PRDM16: variants seen among roughly 807,000 people sequenced by gnomAD.
PRDM16 encodes the protein histone-lysine N-methyltransferase PRDM16.
PRDM16 carries 23 observed loss-of-function variants against 110.6 expected under a neutral mutation model. The ratio of observed to expected loss-of-function variants is 0.21; its 90% CI spans 0.15 to 0.29. The LOEUF is 0.29. Ranked by LOEUF, PRDM16 falls within the 10% of genes least tolerant of loss-of-function variation. The pLI, the probability that PRDM16 is intolerant of heterozygous loss-of-function variation, is 1.00. For missense variants in PRDM16, 1,615 were observed against 1,794.3 expected (o/e 0.90, Z 1.81); for synonymous variants, 799 against 781.8 (o/e 1.02, Z -0.37).
chr1:3,184,382 C>A (rs1031837940), intron 1 of PRDM16, among the ~76,000 whole-genome samples: 6 of 151,418 alleles, frequency 4.0e-5, no homozygotes, highest in African/African-American at 1.5e-4. Context: ...CCGCAGCCAA[C>A]GACAGGGTGC....
chr1:3,346,503 G>T (rs190547963), intron 3 of PRDM16, among the ~76,000 whole-genome samples: 1 of 152,126 alleles, frequency 6.6e-6, no homozygotes, highest in African/African-American at 2.4e-5. Flanking sequence ...GAGCACCCGC[G>T]GCATACGTGG....
intron 3 of PRDM16, among the ~76,000 whole-genome samples, chr1:3,269,317 C>T (rs1640373170): frequency 6.6e-6 from 1 of 151,698 alleles, no homozygotes; most frequent in African/African-American, 2.4e-5. Flanking sequence ...GGAGGACAGT[C>T]CCAGAGGAGG....
rs930929071 is a variant in PRDM16 at position 3,408,939 on chromosome 1, TGA to T, written c.1187-2441_1187-2440del. Among the ~76,000 whole-genome samples, 54 of 129,854 alleles carry T rather than the reference TGA, an allele frequency of 4.2e-4. 2 individuals are homozygous for T. The Admixed American group carries it at 4.3e-3, about 10-fold the overall frequency. The allele number at this position is 129,854 out of a possible 152,430, so 85.2% of individuals were successfully genotyped here. On this transcript the variant is annotated intron_variant, in intron 8 of 16. Coordinates refer to ENST00000270722, the MANE Select transcript of PRDM16 (RefSeq NM_022114.4). ...GAGCCAGTGCTTGTGTTGGCACGCA[TGA>T]GAGTGAGGGGCGTGTGAGCCAGTGC...
At chr1:3,271,011 C>T (rs985798460) in intron 3 of PRDM16, among the ~76,000 whole-genome samples, 4 of 152,166 alleles carry the variant, frequency 2.6e-5, no homozygotes, top group African/African-American at 4.8e-5. Flanking sequence ...CTGCCAGGGC[C>T]TCCCAGAGGC....
At chr1:3,416,017 T>G (rs1638243955) in intron 10 of PRDM16, among the ~76,000 whole-genome samples, 2 of 152,156 alleles carry the variant, frequency 1.3e-5, no homozygotes, top group Admixed American at 6.5e-5. Context: ...TCACTCGTTC[T>G]CATCAGGATG....
intron 3 of PRDM16, among the ~76,000 whole-genome samples, chr1:3,352,752 G>A (rs1306777479): frequency 2.6e-5 from 4 of 152,190 alleles, no homozygotes; most frequent in African/African-American, 4.8e-5. Flanking sequence ...AGCAGGCTGC[G>A]ATTGGCCGCA....
intron 1 of PRDM16, among the ~76,000 whole-genome samples, chr1:3,184,148 A>G (rs1262347095): frequency 6.6e-6 from 1 of 152,212 alleles, no homozygotes; most frequent in African/African-American, 2.4e-5. Flanking sequence ...CGCCGCGTCA[A>G]TTAGAAAGGA....
intron 6 of PRDM16, among the ~76,000 whole-genome samples, chr1:3,403,991 C>T (rs909694728): frequency 2.0e-5 from 3 of 152,176 alleles, no homozygotes; most frequent in East Asian, 1.9e-4. Context: ...CAAGAGGGTC[C>T]GTGTTTTCTT....
At position 3,435,742 on chromosome 1, in the gene PRDM16, C is replaced by T. The variant is rs1278732726; in HGVS notation, c.*1931C>T. ...CCAGCGGTGACGGGAGGTGTCCTGG[C>T]TGCTCCAGGACAAAAGACAATCGTC... On this transcript the variant is annotated 3_prime_UTR_variant, in exon 17 of 17. Coordinates refer to ENST00000270722, the MANE Select transcript of PRDM16 (RefSeq NM_022114.4). 4 of 232,500 alleles carry T rather than the reference C, an allele frequency of 1.7e-5. No individual in the cohort carries two copies. The highest frequency in any genetic ancestry group is 3.4e-5 in the Non-Finnish European group (4 of 117,686). The allele number at this position is 232,500 out of a possible 1,614,324, so 14.4% of individuals were successfully genotyped here.
chr1:3,318,408 T>C (rs1290883689), intron 3 of PRDM16, among the ~76,000 whole-genome samples: 3 of 152,176 alleles, frequency 2.0e-5, no homozygotes, highest in African/African-American at 7.2e-5. Flanking sequence ...GTTATTCTTA[T>C]TCTTCTACAA....
At chr1:3,078,291 G>T (rs1346997679) in intron 1 of PRDM16, among the ~76,000 whole-genome samples, 2 of 152,194 alleles carry the variant, frequency 1.3e-5, no homozygotes, top group African/African-American at 4.8e-5. Context: ...GGGAGACAGG[G>T]TCCCCGAGCT....
chr1:3,221,895 T>C (rs997156615), intron 2 of PRDM16, among the ~76,000 whole-genome samples: 1 of 152,230 alleles, frequency 6.6e-6, no homozygotes, highest in Non-Finnish European at 1.5e-5. Context: ...GCCCAGAACC[T>C]TGGAGCCATC....
At chr1:3,073,611 G>A (rs1041473806) in intron 1 of PRDM16, among the ~76,000 whole-genome samples, 1 of 152,066 alleles carries the variant, frequency 6.6e-6, no homozygotes, top group Non-Finnish European at 1.5e-5. Context: ...GGCGGCCGCG[G>A]GCTCAGAATC....
chr1:3,403,843 G>A (rs909725755), intron 6 of PRDM16, among the ~76,000 whole-genome samples: 32 of 152,284 alleles, frequency 2.1e-4, no homozygotes, highest in African/African-American at 6.3e-4. Context: ...GCCACTAACC[G>A]GCTATGTGAT....
In PRDM16 at chr1:3,425,851, AG is replaced by A; in HGVS notation, c.3109+104del. 1 of 1,448,710 alleles carries A rather than the reference AG, an allele frequency of 6.9e-7. No individual in the cohort carries two copies. Among genetic ancestry groups the A allele is most frequent in the Non-Finnish European group, 9.5e-7 (1 of 1,058,144 alleles). The allele number at this position is 1,448,710 out of a possible 1,614,324, so 89.7% of individuals were successfully genotyped here. A position where few individuals can be genotyped will look rare whatever the true frequency, so the allele number is the denominator to read the frequency against. Reference sequence around the variant, plus strand: ...GGGGAGTGGGCGCCGGGCAGGGAAGAGGGCCACAGACTACCCCTCAGGAAGC... The same window carrying A: ...GGGGAGTGGGCGCCGGGCAGGGAAGAGGCCACAGACTACCCCTCAGGAAGC... On this transcript the variant is annotated intron_variant, in intron 13 of 16. Coordinates refer to ENST00000270722, the MANE Select transcript of PRDM16 (RefSeq NM_022114.4). The surrounding 1 kb of genome is among the most constrained non-coding windows in gnomAD (Gnocchi z 6.9).
Position 3,350,616 on chromosome 1 carries a change from C to T in PRDM16, c.439-34536C>T, listed in dbSNP as rs1427022963. ...TGGAAAGCAGAGCTGGGAGCCAGCC[C>T]TGCCCGGCCAGGGCTCGGGCACAGC... On this transcript the variant is annotated intron_variant, in intron 3 of 16. Transcript: ENST00000270722. The surrounding 1 kb of genome is among the most constrained non-coding windows in gnomAD (Gnocchi z 7.1). Among the ~76,000 whole-genome samples, 5 of 152,138 alleles carry T rather than the reference C, an allele frequency of 3.3e-5. No individual in the cohort carries two copies. The highest frequency in any genetic ancestry group is 1.3e-4 in the Admixed American group (2 of 15,284).
chr1:3,070,066 C>T (rs1421124083), intron 1 of PRDM16, among the ~76,000 whole-genome samples: 2 of 152,150 alleles, frequency 1.3e-5, no homozygotes, highest in African/African-American at 2.4e-5. Flanking sequence ...GACAGTGCCT[C>T]CGACAGGAGG....
At chr1:3,229,286 C>T (rs1344177247) in intron 2 of PRDM16, among the ~76,000 whole-genome samples, 1 of 152,216 alleles carries the variant, frequency 6.6e-6, no homozygotes, top group Non-Finnish European at 1.5e-5. Flanking sequence ...TGTTCACCCA[C>T]AGTCCAGCAC....
At chr1:3,264,468 C>T (rs965830070) in intron 3 of PRDM16, among the ~76,000 whole-genome samples, 11 of 139,928 alleles carry the variant, frequency 7.9e-5, no homozygotes, top group Admixed American at 7.9e-4. Flanking sequence ...GAGGAGCATC[C>T]GAGGACCCTA....
Sources: gnomAD v4.1 joint callset for allele counts (sites outside exome capture counted in the v4.1 genomes callset) on GRCh38, gnomAD v4.1.1 for gene constraint, Gnocchi (gnomAD v3.1) non-coding constraint, MANE v1.5 for transcripts, NCBI Gene and HGNC (gene_info 2026-07-23, HGNC 2026-07-21) for gene names.